The following UBE2V2 variants were observed in gnomAD, a reference collection of about 807,000 sequenced individuals.
The protein encoded by UBE2V2 is ubiquitin-conjugating enzyme E2 variant 2.
In UBE2V2, 9 loss-of-function variants were observed where a neutral mutation model predicts 17.2. The observed-to-expected ratio is 0.52, with a 90% CI of 0.32 to 0.91. The LOEUF is 0.91. UBE2V2 is among the 40% of genes least tolerant of loss of function. The pLI is 0.04. For missense variants in UBE2V2, 133 were observed against 182.6 expected (o/e 0.73, Z 1.56); for synonymous variants, 61 against 57.5 (o/e 1.06, Z -0.28).
chr8:48,053,054 G>A (rs1346049618), intron 3 of UBE2V2, among the ~76,000 whole-genome samples: 1 of 152,076 alleles, frequency 6.6e-6, no homozygotes, highest in African/African-American at 2.4e-5. Flanking sequence ...CTACAAGTGT[G>A]TGCCACAACA....
At chr8:48,010,534 T>C (rs1283184735) in intron 1 of UBE2V2, among the ~76,000 whole-genome samples, 1 of 151,222 alleles carries the variant, frequency 6.6e-6, no homozygotes, top group Non-Finnish European at 1.5e-5. Flanking sequence ...CCTGAGTAGC[T>C]GGGACAACAG....
At chr8:48,023,924 A>C (rs911724288) in intron 1 of UBE2V2, among the ~76,000 whole-genome samples, 10 of 152,178 alleles carry the variant, frequency 6.6e-5, no homozygotes, top group African/African-American at 9.7e-5. Flanking sequence ...TTTCAAACGT[A>C]GTTCACTTTT....
At chr8:48,013,825 A>G (rs566559580) in intron 1 of UBE2V2, among the ~76,000 whole-genome samples, 22 of 152,294 alleles carry the variant, frequency 1.4e-4, no homozygotes, top group Admixed American at 1.4e-3. Context: ...TATATACTGG[A>G]AGAACTAGTT....
At chr8:48,024,936 A>AT (rs199796045) in intron 1 of UBE2V2, among the ~76,000 whole-genome samples, 2,690 of 139,030 alleles carry the variant, frequency 0.019, 28 homozygotes, top group Non-Finnish European at 0.024. Flanking sequence ...TCCCTTACTG[A>AT]TTTTTTTTTT....
chr8:48,060,034 T>C (rs1372299973), intron 3 of UBE2V2, among the ~76,000 whole-genome samples: 1 of 151,774 alleles, frequency 6.6e-6, no homozygotes, highest in African/African-American at 2.4e-5. Flanking sequence ...GGTGAAACCC[T>C]GTCTCTACGA....
intron 3 of UBE2V2, among the ~76,000 whole-genome samples, chr8:48,058,257 A>G (rs1387431607): frequency 6.6e-6 from 1 of 151,966 alleles, no homozygotes; most frequent in Non-Finnish European, 1.5e-5. Flanking sequence ...TCATGAGGTC[A>G]GGAGTTCGAG....
upstream of UBE2V2, among the ~76,000 whole-genome samples, chr8:48,003,824 G>A (rs1011892523): frequency 1.3e-5 from 2 of 152,162 alleles, no homozygotes; most frequent in Non-Finnish European, 1.5e-5. Context: ...ATGTTGAAAG[G>A]TGGAGGAGAG....
chr8:48,023,574 T>C (rs1349620966), intron 1 of UBE2V2, among the ~76,000 whole-genome samples: 2 of 151,864 alleles, frequency 1.3e-5, no homozygotes, highest in Non-Finnish European at 2.9e-5. Context: ...AACAGTAACA[T>C]TCAGTGTTCA....
intron 3 of UBE2V2, among the ~76,000 whole-genome samples, chr8:48,060,022 AT>A (rs1802566755): frequency 6.6e-6 from 1 of 151,924 alleles, no homozygotes. Context: ...TCTGGGCAAC[AT>A]GGTGAAACCC....
At chr8:48,012,818 C>T (rs2091242807) in intron 1 of UBE2V2, among the ~76,000 whole-genome samples, 2 of 152,200 alleles carry the variant, frequency 1.3e-5, no homozygotes, top group Middle Eastern at 6.8e-3. Context: ...AGTTTCCATG[C>T]ACCTCACATT....
intron 1 of UBE2V2, among the ~76,000 whole-genome samples, chr8:48,022,714 C>T (rs2091313963): frequency 6.6e-6 from 1 of 152,004 alleles, no homozygotes; most frequent in Admixed American, 6.6e-5. Flanking sequence ...TCAGCTTTTG[C>T]TTGCCTGAGA....
intron 1 of UBE2V2, among the ~76,000 whole-genome samples, chr8:48,012,441 G>A (rs1418019205): frequency 1.3e-5 from 2 of 152,140 alleles, no homozygotes; most frequent in East Asian, 1.9e-4. Flanking sequence ...TGTGCAGGCC[G>A]GGTGGGGTGG....
chr8:47,999,523 A>AT, the UBE2V2 span, among the ~76,000 whole-genome samples: 180 of 149,058 alleles, frequency 1.2e-3, 1 homozygote, highest in South Asian at 5.5e-3. Context: ...TGCCCAGCTA[A>AT]TTTTTTTTTT....
At chr8:48,025,915 G>A (rs1026762044) in intron 1 of UBE2V2, among the ~76,000 whole-genome samples, 1 of 152,058 alleles carries the variant, frequency 6.6e-6, no homozygotes, top group Non-Finnish European at 1.5e-5. Context: ...TTTTCTATCT[G>A]AGGTTTATCT....
chr8:48,031,806 C>T (rs112599059), intron 1 of UBE2V2, among the ~76,000 whole-genome samples: 5 of 152,172 alleles, frequency 3.3e-5, no homozygotes, highest in Admixed American at 1.3e-4. Flanking sequence ...CCACCACTCT[C>T]GGCTAATTTT....
chr8:48,020,649 A>G (rs2091298593), intron 1 of UBE2V2, among the ~76,000 whole-genome samples: 1 of 151,894 alleles, frequency 6.6e-6, no homozygotes, highest in South Asian at 2.1e-4. Flanking sequence ...ATTTTTTGAG[A>G]CAGTGTGTTG....
chr8:48,012,428 G>T (rs2091238837), intron 1 of UBE2V2, among the ~76,000 whole-genome samples: 1 of 152,156 alleles, frequency 6.6e-6, no homozygotes, highest in African/African-American at 2.4e-5. Context: ...AGATAGAAAA[G>T]TATGTGCAGG....
At chr8:48,019,164 A>T (rs1413747913) in intron 1 of UBE2V2, among the ~76,000 whole-genome samples, 1 of 152,146 alleles carries the variant, frequency 6.6e-6, no homozygotes, top group Non-Finnish European at 1.5e-5. Context: ...TGGGAGTTCA[A>T]GACCAGCCTG....
At chr8:48,055,328 T>G (rs2091564906) in intron 3 of UBE2V2, among the ~76,000 whole-genome samples, 1 of 151,824 alleles carries the variant, frequency 6.6e-6, no homozygotes, top group South Asian at 2.1e-4. Context: ...GCCTCCCTAG[T>G]AGCTGGGATT....
Sources: allele counts gnomAD v4.1 joint callset (sites outside exome capture counted in the v4.1 genomes callset), GRCh38; gene constraint gnomAD v4.1.1; transcripts MANE v1.5; gene names NCBI Gene and HGNC (gene_info 2026-07-23, HGNC 2026-07-21).